Variants in IQCN observed in about 807,000 individuals in gnomAD.
IQCN encodes the protein IQ domain-containing protein N.
A neutral mutation model predicts 64.4 loss-of-function variants in IQCN; 46 were observed. That is an observed-to-expected ratio of 0.71 (90% CI 0.56 to 0.91). The LOEUF is 0.91. Ranked by LOEUF, IQCN falls within the 40% of genes least tolerant of loss-of-function variation. The pLI is 0.00. For synonymous variants in IQCN, 733 were observed against 775.6 expected, an observed-to-expected ratio of 0.95 and a Z score of 0.91; for missense variants, 1,753 against 1,857.4, an observed-to-expected ratio of 0.94 and a Z score of 1.03.
intron 3 of IQCN, chr19:18,260,442 C>T (rs1360440937): frequency 2.0e-5 from 3 of 152,628 alleles, no homozygotes; most frequent in Non-Finnish European, 4.4e-5. Flanking sequence ...CCTAGAGCCC[C>T]AGCATGGCTC....
intron 1 of IQCN, among the ~76,000 whole-genome samples, chr19:18,270,788 G>A (rs1477991120): frequency 1.3e-5 from 2 of 150,544 alleles, no homozygotes; most frequent in Non-Finnish European, 3.0e-5. Context: ...AAGTAGCTGG[G>A]ATGACAAGTG....
intron 3 of IQCN, 150 bp from the exon 4 acceptor site, chr19:18,258,256 G>T (rs780561460): frequency 1.2e-6 from 1 of 828,796 alleles, no homozygotes; most frequent in African/African-American, 1.7e-5. Context: ...GACACCCTCC[G>T]AACTCCCGGG....
intron 3 of IQCN, chr19:18,258,362 T>C: frequency 1.5e-6 from 1 of 686,076 alleles, no homozygotes; most frequent in Non-Finnish European, 2.7e-6. Context: ...TTGCACCACT[T>C]CGGGCTGAGG....
chr19:18,272,509 C>T (rs1056965349), intron 1 of IQCN, among the ~76,000 whole-genome samples: 4 of 152,154 alleles, frequency 2.6e-5, no homozygotes, highest in African/African-American at 9.7e-5. Context: ...CACAGGACCA[C>T]GTTCTGGATC....
At position 18,264,254 on chromosome 19, in the gene IQCN, G is replaced by A; in HGVS notation, c.3177+109C>T. 1 of 960,168 alleles carries A rather than the reference G, an allele frequency of 1.0e-6. No homozygotes were observed. The highest frequency in any genetic ancestry group is 1.8e-5 in the South Asian group (1 of 55,908). 59.5% of individuals were successfully genotyped at this position (960,168 alleles called of 1,614,324 possible). A position where few individuals can be genotyped will look rare whatever the true frequency, so the allele number is the denominator to read the frequency against. The stretch of plus-strand genomic sequence containing the variant: ...AGGCTCCCACAGTGACCACAGATAA[G>A]CAGGGTGACCCCCACAAGATGGCCC... On this transcript the variant is annotated intron_variant, in intron 3 of 3. Transcript: ENST00000392413. This position sits in a 1 kb window ranked among gnomAD's most constrained non-coding sequence, Gnocchi z 4.3.
intron 1 of IQCN, among the ~76,000 whole-genome samples, chr19:18,273,968 C>T (rs1969798323): frequency 6.6e-6 from 1 of 152,144 alleles, no homozygotes; most frequent in Non-Finnish European, 1.5e-5. Flanking sequence ...CCTCAGGTTG[C>T]CAAAGAGACA....
At chr19:18,271,983 G>C (rs754714806) in intron 1 of IQCN, among the ~76,000 whole-genome samples, 8 of 151,310 alleles carry the variant, frequency 5.3e-5, no homozygotes, top group Admixed American at 5.3e-4. Flanking sequence ...AGCTAATTTT[G>C]TTTGTTTTGT....
chr19:18,264,807 C>T lies in IQCN; in HGVS notation c.2733G>A (p.Leu911=), dbSNP rs1292449994. ...GGACCTCCTTGGACAGGGCCTGGTT[C>T]AGAGCTGCCCAGACTTCTCCCTGGG... The part of the protein sequence containing the change: ...ALSQGEVWAA[L]NQALSKEVLG... Residue 911 remains leucine, a synonymous_variant, in exon 3 of 4, where the codon CTG becomes CTA. Coordinates refer to ENST00000392413, the MANE Select transcript of IQCN (RefSeq NM_001145304.2). The surrounding 1 kb of genome is among the most constrained non-coding windows in gnomAD (Gnocchi z 4.3). 2 of 1,555,176 alleles carry T rather than the reference C, an allele frequency of 1.3e-6. No individual in the cohort carries two copies. The highest frequency in any genetic ancestry group is 2.0e-5 in the Admixed American group (1 of 51,270).
intron 3 of IQCN, chr19:18,258,586 T>C (rs1969365341): frequency 2.7e-6 from 1 of 365,836 alleles, no homozygotes; most frequent in African/African-American, 2.1e-5. Context: ...AATGCCCTTC[T>C]AGCCGAGGAC....
chr19:18,264,746 T>C lies in IQCN; in HGVS notation c.2794A>G (p.Met932Val), dbSNP rs1969510464. 6.4e-7 allele frequency: 1 copy of C among 1,551,048 alleles called. No individual in the cohort carries two copies. Among genetic ancestry groups the C allele is most frequent in the African/African-American group, 1.4e-5 (1 of 73,068 alleles). ...ATVTKALPQS[M>V]LSMALVKALS... ...GCCTTCACCAGCGCCATGCTCAGCA[T>C]GCTCTGGGGCAGGGCTTTGGTGACA... Residue 932 changes from methionine to valine, a missense_variant, in exon 3 of 4, where the codon ATG (methionine) becomes GTG (valine). Coordinates refer to ENST00000392413, the MANE Select transcript of IQCN (RefSeq NM_001145304.2). The surrounding 1 kb of genome is among the most constrained non-coding windows in gnomAD (Gnocchi z 4.3).
chr19:18,258,837 G>A (rs536554570), intron 3 of IQCN: 1 of 199,568 alleles, frequency 5.0e-6, no homozygotes, highest in African/African-American at 2.3e-5. Flanking sequence ...TAAACCCGGG[G>A]CCTGGAAAGG....
Position 18,265,766 on chromosome 19 carries a change from C to A in IQCN, c.1774G>T (p.Val592Phe), listed in dbSNP as rs1969555194. 6.2e-7 allele frequency: 1 copy of A among 1,614,138 alleles called. No individual in the cohort carries two copies. The highest frequency in any genetic ancestry group is 8.5e-7 in the Non-Finnish European group (1 of 1,180,020). The change falls in exon 3 of 4, where the codon GTC becomes TTC. Residue 592 changes from valine (V) to phenylalanine (F), a missense_variant. Physicochemically the swap from Val to Phe is conservative, Grantham distance 50. Coordinates refer to ENST00000392413, the MANE Select transcript of IQCN (RefSeq NM_001145304.2). The surrounding 1 kb of genome is among the most constrained non-coding windows in gnomAD (Gnocchi z 4.7). ...CLAQPHPGTG[V>F]PRAAAELPLE... ...GGAAGCTCAGCTGCAGCCCTGGGGA[C>A]CCCAGTTCCCGGATGTGGTTGAGCC...
rs373020826 is a variant in IQCN, at chr19:18,267,316, G to A, written c.224C>T (p.Ala75Val). Reference protein sequence around the residue: ...LPQQPAEGKTASRRVPRLRAV... With the variant: ...LPQQPAEGKTVSRRVPRLRAV... ...CCGGAGGCGTGGGACGCGGCGGGAC[G>A]CCGTCTTGCCTTCGGCAGGCTGTTG... The change falls in exon 3 of 4, where the codon GCG (alanine) becomes GTG (valine). Residue 75 changes from alanine (A) to valine (V), a missense_variant. By Grantham distance (64) the Ala-to-Val change is moderately conservative (BLOSUM62 0). Transcript: ENST00000392413. 27 of 1,614,226 alleles carry A rather than the reference G, an allele frequency of 1.7e-5. No individual in the cohort carries two copies. The South Asian group carries it at 1.8e-4, about 11-fold the overall frequency.
At chr19:18,268,267 C>A (rs1040176363) in intron 2 of IQCN, among the ~76,000 whole-genome samples, 2 of 149,770 alleles carry the variant, frequency 1.3e-5, no homozygotes, top group African/African-American at 4.9e-5. Flanking sequence ...TTTGCCTCTC[C>A]CCATTGATTG....
At position 18,258,016 on chromosome 19, in the gene IQCN, T is replaced by C; in HGVS notation, c.3268A>G (p.Asn1090Asp). 1 of 1,612,666 alleles carries C rather than the reference T, an allele frequency of 6.2e-7. No individual in the cohort carries two copies. Among genetic ancestry groups the C allele is most frequent in the Non-Finnish European group, 8.5e-7 (1 of 1,179,886 alleles). ...CGCCTGGGAGGCACCACCGCCTTGT[T>C]GCGCCAGGTGTCCCAGGACGCAGCA... Reference protein sequence around the residue: ...RGAASWDTWRNKAVVPPRRSG... With the variant: ...RGAASWDTWRDKAVVPPRRSG... The change falls in exon 4 of 4, where the codon AAC (asparagine) becomes GAC (aspartate). Residue 1090 changes from asparagine to aspartate, a missense_variant. Coordinates refer to ENST00000392413, the MANE Select transcript of IQCN (RefSeq NM_001145304.2).
intron 2 of IQCN, among the ~76,000 whole-genome samples, chr19:18,268,369 G>T (rs60162577): frequency 6.6e-6 from 1 of 151,230 alleles, no homozygotes; most frequent in African/African-American, 2.4e-5. Context: ...GGGTGGGGGG[G>T]GCATCTTGAC....
At chr19:18,270,852 G>A (rs1465812131) in intron 1 of IQCN, among the ~76,000 whole-genome samples, 1 of 148,900 alleles carries the variant, frequency 6.7e-6, no homozygotes, top group Non-Finnish European at 1.5e-5. Context: ...AAAAAAGATT[G>A]TGATTAAAGA....
chr19:18,264,291 C>T lies in IQCN; in HGVS notation c.3177+72G>A. 1 of 1,298,642 alleles carries T rather than the reference C, an allele frequency of 7.7e-7. No individual in the cohort carries two copies. Among genetic ancestry groups the T allele is most frequent in the Non-Finnish European group, 1.0e-6 (1 of 974,366 alleles). 80.4% of individuals were successfully genotyped at this position (1,298,642 alleles called of 1,614,324 possible). Reference sequence around the variant, plus strand: ...CCACAAGATGGCCCCATCAATCCCCCATCTCCTCCAAGGGCCCGGCAGGTT... The same window carrying T: ...CCACAAGATGGCCCCATCAATCCCCTATCTCCTCCAAGGGCCCGGCAGGTT... On this transcript the variant is annotated intron_variant, in intron 3 of 3. Coordinates refer to ENST00000392413, the MANE Select transcript of IQCN (RefSeq NM_001145304.2). This position sits in a 1 kb window ranked among gnomAD's most constrained non-coding sequence, Gnocchi z 4.3.
At chr19:18,268,217 T>TGTG (rs58772952) in intron 2 of IQCN, among the ~76,000 whole-genome samples, 1 of 132,726 alleles carries the variant, frequency 7.5e-6, no homozygotes, top group Non-Finnish European at 1.7e-5. Context: ...TGTGTGTGTG[T>TGTG]TTGAAAAAGA....
Sources: gnomAD v4.1 joint callset for allele counts (sites outside exome capture counted in the v4.1 genomes callset) on GRCh38, gnomAD v4.1.1 for gene constraint, Gnocchi (gnomAD v3.1) non-coding constraint, MANE v1.5 for transcripts, NCBI Gene and HGNC (gene_info 2026-07-23, HGNC 2026-07-21) for gene names.